AXDND1: variants seen among roughly 807,000 people sequenced by gnomAD.
AXDND1 encodes the protein axonemal dynein light chain domain containing 1, also known as axonemal dynein light chain domain-containing protein 1.
Under a neutral mutation model 137.5 loss-of-function variants are expected in AXDND1, and 110 were observed. The observed-to-expected ratio is 0.80, with a 90% CI of 0.69 to 0.94. The LOEUF (loss-of-function observed/expected upper bound fraction) is 0.94. AXDND1 is among the 40% of genes least tolerant of loss of function. The pLI, the probability that AXDND1 is intolerant of heterozygous loss-of-function variation, is 0.00. For missense variants in AXDND1, 1,191 were observed against 1,169.8 expected (o/e 1.02, Z -0.26); for synonymous variants, 414 against 399.7 (o/e 1.04, Z -0.43).
intron 20 of AXDND1, among the ~76,000 whole-genome samples, chr1:179,505,927 T>C (rs1668499232): frequency 6.6e-6 from 1 of 152,202 alleles, no homozygotes; most frequent in African/African-American, 2.4e-5. Context: ...GACTCAGTTC[T>C]GAGAATCCTT....
chr1:179,440,689 G>A (rs1479636976), intron 15 of AXDND1, among the ~76,000 whole-genome samples: 1 of 152,216 alleles, frequency 6.6e-6, no homozygotes, highest in East Asian at 1.9e-4. Context: ...AGAGATAGTG[G>A]CCCAGAAAGT....
chr1:179,476,642 T>C (rs12136945), intron 17 of AXDND1, among the ~76,000 whole-genome samples: 15,579 of 152,196 alleles, frequency 0.1, 1,141 homozygotes, highest in East Asian at 0.35. Context: ...TGGTTGACAT[T>C]TTTTTCTTCT....
At chr1:179,528,591 C>T (rs1290486626) in intron 23 of AXDND1, among the ~76,000 whole-genome samples, 160 bp downstream of exon 23, 1 of 149,724 alleles carries the variant, frequency 6.7e-6, no homozygotes, top group Non-Finnish European at 1.5e-5. Context: ...TGGAAAACTC[C>T]TTTTTTCACC....
chr1:179,472,239 C>T (rs1664041167), intron 17 of AXDND1, among the ~76,000 whole-genome samples: 1 of 152,072 alleles, frequency 6.6e-6, no homozygotes, highest in Non-Finnish European at 1.5e-5. Context: ...TATGATTTCT[C>T]TTGTGATTTA....
At chr1:179,550,108 C>G (rs1332623946) in intron 25 of AXDND1, among the ~76,000 whole-genome samples, 2 of 152,132 alleles carry the variant, frequency 1.3e-5, no homozygotes, top group African/African-American at 4.8e-5. Flanking sequence ...AGAGATTTGC[C>G]TGTTCCTTTG....
chr1:179,493,840 A>T (rs1466141077), intron 20 of AXDND1, among the ~76,000 whole-genome samples: 2 of 151,622 alleles, frequency 1.3e-5, no homozygotes, highest in Non-Finnish European at 3.0e-5. Context: ...AATATGTACA[A>T]ATATGATATA....
intron 9 of AXDND1, among the ~76,000 whole-genome samples, chr1:179,386,000 C>T (rs942567655): frequency 4.0e-5 from 6 of 151,714 alleles, no homozygotes; most frequent in Admixed American, 6.6e-5. Context: ...TGTCTTTATT[C>T]CCCCAAACGT....
intron 11 of AXDND1, among the ~76,000 whole-genome samples, chr1:179,395,637 G>C (rs988921520): frequency 2.6e-5 from 4 of 152,146 alleles, no homozygotes; most frequent in Non-Finnish European, 5.9e-5. Flanking sequence ...ATTAAAGGAA[G>C]TAATATAAGT....
intron 12 of AXDND1, among the ~76,000 whole-genome samples, chr1:179,425,760 A>T (rs1656452352): frequency 6.6e-6 from 1 of 151,222 alleles, no homozygotes; most frequent in Non-Finnish European, 1.5e-5. Flanking sequence ...ACTGCACTCC[A>T]GTGTGGGTGA....
chr1:179,529,721 T>A (rs1670879166), intron 23 of AXDND1, among the ~76,000 whole-genome samples: 1 of 152,080 alleles, frequency 6.6e-6, no homozygotes, highest in Admixed American at 6.6e-5. Flanking sequence ...TGGAAAGGCA[T>A]AGAAAGGGGA....
chr1:179,506,794 T>C lies in AXDND1; in HGVS notation c.2389-2502T>C, dbSNP rs117594748. 15 of 931,118 alleles carry C rather than the reference T, an allele frequency of 1.6e-5. No homozygotes were observed. The East Asian group carries it at 1.5e-3, about 94-fold the overall frequency. The allele number at this position is 931,118 out of a possible 1,614,324, so 57.7% of individuals were successfully genotyped here. On this transcript the variant is annotated intron_variant, in intron 20 of 25. Transcript: ENST00000367618. ...CATCTCTGCCCTGTGTAGTCTGCCA[T>C]CCACCTTGGACCACAATAGGCTTTC...
chr1:179,386,248 C>T (rs911067689), intron 9 of AXDND1, among the ~76,000 whole-genome samples: 1 of 151,906 alleles, frequency 6.6e-6, no homozygotes, highest in African/African-American at 2.4e-5. Flanking sequence ...CGGGGTTTCA[C>T]CATGTTGGTC....
intron 12 of AXDND1, among the ~76,000 whole-genome samples, chr1:179,414,161 G>C (rs1654321742): frequency 2.0e-5 from 3 of 150,850 alleles, no homozygotes; most frequent in African/African-American, 4.9e-5. Context: ...GAATTATTTA[G>C]CCTTTAATAA....
intron 25 of AXDND1, among the ~76,000 whole-genome samples, chr1:179,542,381 G>A (rs568744377): frequency 8.5e-5 from 13 of 152,150 alleles, no homozygotes; most frequent in African/African-American, 2.6e-4. Flanking sequence ...CCAACTGCTC[G>A]CAGCCCCTGG....
At chr1:179,502,331 G>A (rs1668073200) in intron 20 of AXDND1, among the ~76,000 whole-genome samples, 1 of 152,124 alleles carries the variant, frequency 6.6e-6, no homozygotes, top group Non-Finnish European at 1.5e-5. Flanking sequence ...TTGGGAGGCC[G>A]AGGTGGGCGG....
chr1:179,491,692 T>C lies in AXDND1; in HGVS notation c.2246T>C (p.Ile749Thr). The C allele has an allele frequency of 1.2e-6, 2 of 1,601,870 alleles. No homozygotes were observed. Among genetic ancestry groups the C allele is most frequent in the Non-Finnish European group, 1.7e-6 (2 of 1,175,728 alleles). ...IGVARLELDA[I>T]ELTRKLYQYS... ...GTTGCGCGATTGGAGCTAGATGCGA[T>C]TGAACTGACAAGGAAGTTGTACCAA... Residue 749 changes from isoleucine (I) to threonine (T), a missense_variant, in exon 19 of 26, where the codon ATT (isoleucine) becomes ACT (threonine). Transcript: ENST00000367618.
Position 179,520,553 on chromosome 1 carries a change from TG to T in AXDND1, c.2497-4779del, listed in dbSNP as rs1339969592. On this transcript the variant is annotated intron_variant, in intron 21 of 25. Transcript: ENST00000367618. ...TCAGCCTCCAGAGTAGCTGGGACTA[TG>T]GCATGCACCACTGCACCTGGCTATT... Among the ~76,000 whole-genome samples the T allele has an allele frequency of 3.9e-5, 6 of 152,018 alleles. No homozygotes were observed. The East Asian group carries it at 1.2e-3, about 29-fold the overall frequency.
intron 16 of AXDND1, chr1:179,456,523 C>G (rs866508607): frequency 2.6e-6 from 2 of 775,296 alleles, no homozygotes; most frequent in Admixed American, 1.7e-5. Flanking sequence ...CTTCCATAAC[C>G]CTGTCCAACA....
intron 9 of AXDND1, among the ~76,000 whole-genome samples, chr1:179,390,261 G>A (rs542544135): frequency 6.6e-6 from 1 of 152,210 alleles, no homozygotes; most frequent in East Asian, 1.9e-4. Flanking sequence ...TGATCTACCT[G>A]CCTCGGTCTC....
Sources: allele counts gnomAD v4.1 joint callset (sites outside exome capture counted in the v4.1 genomes callset), GRCh38; gene constraint gnomAD v4.1.1; transcripts MANE v1.5; gene names NCBI Gene and HGNC (gene_info 2026-07-23, HGNC 2026-07-21).